NPAS3: variants seen among roughly 807,000 people sequenced by gnomAD.
NPAS3 encodes neuronal PAS domain-containing protein 3.
In NPAS3, 14 loss-of-function variants were observed where a neutral mutation model predicts 73.1. That is an observed-to-expected ratio of 0.19 (90% CI 0.13 to 0.30). The LOEUF is 0.30. Among genes scored for constraint, NPAS3 ranks in the 10% least tolerant of loss-of-function variants. The pLI is 1.00. For synonymous variants in NPAS3, 620 were observed against 541.5 expected (o/e 1.14, Z -2.01); for missense variants, 1,096 against 1,250.0 (o/e 0.88, Z 1.86).
chr14:33,384,517 G>GT (rs2046695011), intron 4 of NPAS3, among the ~76,000 whole-genome samples: 2 of 151,850 alleles, frequency 1.3e-5, no homozygotes, highest in Non-Finnish European at 2.9e-5. Context: ...ATCACCTGAA[G>GT]TCAGGAGTTC....
intron 7 of NPAS3, among the ~76,000 whole-genome samples, chr14:33,752,717 T>C (rs2140772205): frequency 6.6e-6 from 1 of 152,328 alleles, no homozygotes; most frequent in East Asian, 1.9e-4. Context: ...GTTGACAATG[T>C]ATCAGCCCTT....
intron 3 of NPAS3, among the ~76,000 whole-genome samples, chr14:33,277,288 T>A (rs2041380459): frequency 6.6e-6 from 1 of 152,162 alleles, no homozygotes; most frequent in African/African-American, 2.4e-5. Flanking sequence ...GCAAGAAGTC[T>A]TTCTAGTCCC....
intron 4 of NPAS3, among the ~76,000 whole-genome samples, chr14:33,517,004 A>G (rs1453648943): frequency 1.3e-5 from 2 of 152,130 alleles, no homozygotes; most frequent in African/African-American, 4.8e-5. Flanking sequence ...AGGCAGATGA[A>G]CAGGCTGTAT....
At chr14:33,186,597 T>C (rs7147097) in intron 2 of NPAS3, among the ~76,000 whole-genome samples, 28,674 of 152,086 alleles carry the variant, frequency 0.19, 3,412 homozygotes, top group South Asian at 0.33. Flanking sequence ...TTCCCTCGAG[T>C]CTGATCTACC....
At chr14:33,729,313 T>C (rs7152046) in intron 6 of NPAS3, among the ~76,000 whole-genome samples, 46,322 of 152,110 alleles carry the variant, frequency 0.3, 7,353 homozygotes, top group East Asian at 0.44. Context: ...ATGAACATGA[T>C]CGTCACGTAT....
In NPAS3 at chr14:33,351,075, T is replaced by C. The variant is rs923793180; in HGVS notation, c.386-16111T>C. Among the ~76,000 whole-genome samples, 6 of 152,220 alleles carry C rather than the reference T, an allele frequency of 3.9e-5. No individual in the cohort carries two copies. The East Asian group carries it at 9.6e-4, about 24-fold the overall frequency. On this transcript the variant is annotated intron_variant, in intron 3 of 11. Coordinates refer to ENST00000356141, the Ensembl canonical transcript of NPAS3. Reference sequence around the variant, plus strand: ...TGCCAAGCTCAGTGTTTGACTGATATATATGGAGGCTTTGTTAAAAGCCTC... The same window carrying C: ...TGCCAAGCTCAGTGTTTGACTGATACATATGGAGGCTTTGTTAAAAGCCTC...
chr14:33,421,474 T>C (rs937020554), intron 4 of NPAS3, among the ~76,000 whole-genome samples: 3 of 151,764 alleles, frequency 2.0e-5, no homozygotes, highest in Non-Finnish European at 4.4e-5. Flanking sequence ...TGACCTTAAG[T>C]GACCTTGTAA....
intron 4 of NPAS3, among the ~76,000 whole-genome samples, chr14:33,526,834 G>A (rs995694728): frequency 4.6e-5 from 7 of 152,004 alleles, no homozygotes; most frequent in Admixed American, 4.6e-4. Context: ...GCAGTAGGAG[G>A]GTTGCCCAGC....
intron 3 of NPAS3, among the ~76,000 whole-genome samples, chr14:33,329,994 C>G (rs541801132): frequency 6.6e-5 from 10 of 152,134 alleles, no homozygotes; most frequent in Non-Finnish European, 1.5e-4. Context: ...AAACACACTG[C>G]CTGGACTTTG....
intron 11 of NPAS3, among the ~76,000 whole-genome samples, chr14:33,798,208 G>C (rs2063570206): frequency 6.6e-6 from 1 of 152,144 alleles, no homozygotes; most frequent in Non-Finnish European, 1.5e-5. Context: ...CTTATTTCCT[G>C]AATCTATGCA....
chr14:32,975,300 C>CCCT lies in NPAS3; in HGVS notation c.50+35937_50+35939dup, dbSNP rs1555313377. The stretch of plus-strand genomic sequence containing the variant: ...CTGCCCTTCTATTCCTTCCCTCCCT[C>CCCT]CCTCCCTGCCTCCGTCACTCCCTGC... On this transcript the variant is annotated intron_variant, in intron 1 of 11. Coordinates refer to ENST00000356141, the Ensembl canonical transcript of NPAS3. Among the ~76,000 whole-genome samples the CCCT allele has an allele frequency of 2.0e-5, 3 of 147,566 alleles. No individual in the cohort carries two copies. In the Admixed American group the frequency reaches 2.0e-4, roughly 10 times the overall value.
intron 5 of NPAS3, among the ~76,000 whole-genome samples, chr14:33,650,992 G>C (rs966742795): frequency 6.6e-6 from 1 of 152,194 alleles, no homozygotes; most frequent in Non-Finnish European, 1.5e-5. Context: ...GGGAGGCTTG[G>C]CAAGAGAAAA....
chr14:33,119,313 T>C (rs1027433604), intron 2 of NPAS3, among the ~76,000 whole-genome samples: 3 of 152,084 alleles, frequency 2.0e-5, no homozygotes, highest in Admixed American at 1.3e-4. Context: ...TAAAGGAGTT[T>C]AGATCAAATG....
intron 3 of NPAS3, among the ~76,000 whole-genome samples, chr14:33,315,765 G>C (rs1337357192): frequency 2.0e-5 from 3 of 152,004 alleles, no homozygotes; most frequent in Non-Finnish European, 4.4e-5. Context: ...GGTAAGGTAG[G>C]CTGGGGTGAG....
chr14:33,021,404 T>C (rs1358940829), intron 1 of NPAS3, among the ~76,000 whole-genome samples: 1 of 152,204 alleles, frequency 6.6e-6, no homozygotes, highest in Non-Finnish European at 1.5e-5. Flanking sequence ...TACTATTACC[T>C]TCACCTGAGT....
chr14:33,468,684 G>A (rs1296802132), intron 4 of NPAS3, among the ~76,000 whole-genome samples: 1 of 152,058 alleles, frequency 6.6e-6, no homozygotes, highest in Non-Finnish European at 1.5e-5. Context: ...AAAAGTACAA[G>A]GTCTTGCCTT....
rs1177717049 is a variant in NPAS3, at chr14:33,099,924, C to T, written c.140+43930C>T. Among the ~76,000 whole-genome samples, 43 of 152,046 alleles carry T rather than the reference C, an allele frequency of 2.8e-4. 1 individual carries two copies. The highest frequency in any genetic ancestry group is 2.8e-3 in the Admixed American group (43 of 15,258). On this transcript the variant is annotated intron_variant, in intron 2 of 11. Coordinates refer to ENST00000356141, the Ensembl canonical transcript of NPAS3. Reference sequence around the variant, plus strand: ...TGAAACAATAAGGTGAGAAATAATCCACTAAAGAAATGGTTAGATTTCTAA... The same window carrying T: ...TGAAACAATAAGGTGAGAAATAATCTACTAAAGAAATGGTTAGATTTCTAA...
chr14:33,689,074 G>A (rs1249973381), intron 6 of NPAS3, among the ~76,000 whole-genome samples: 3 of 152,180 alleles, frequency 2.0e-5, no homozygotes, highest in African/African-American at 7.2e-5. Flanking sequence ...CCTTAAGCTA[G>A]CTCTGTATCA....
chr14:33,296,872 A>G (rs1181111372), intron 3 of NPAS3, among the ~76,000 whole-genome samples: 1 of 152,198 alleles, frequency 6.6e-6, no homozygotes, highest in Non-Finnish European at 1.5e-5. Context: ...TTTCTGTTCA[A>G]GCTGATGACT....
Sources: allele counts gnomAD v4.1 joint callset (sites outside exome capture counted in the v4.1 genomes callset), GRCh38; gene constraint gnomAD v4.1.1; transcripts MANE v1.5; gene names NCBI Gene and HGNC (gene_info 2026-07-23, HGNC 2026-07-21).